JAKMIP1: variants seen among roughly 807,000 people sequenced by gnomAD.
JAKMIP1 encodes the protein janus kinase and microtubule interacting protein 1, also known as janus kinase and microtubule-interacting protein 1.
JAKMIP1 carries 33 observed loss-of-function variants against 113.0 expected under a neutral mutation model. The ratio of observed to expected loss-of-function variants is 0.29; its 90% CI spans 0.22 to 0.39. The LOEUF (loss-of-function observed/expected upper bound fraction) is 0.39, where lower values mean the gene tolerates loss of function less well. Ranked by LOEUF, JAKMIP1 falls within the 10% of genes least tolerant of loss-of-function variation. The pLI is 1.00. For missense variants in JAKMIP1, 813 were observed against 1,080.5 expected (o/e 0.75, Z 3.47); for synonymous variants, 480 against 459.9 (o/e 1.04, Z -0.56).
At chr4:6,122,320 T>C (rs1303931316) in intron 1 of JAKMIP1, among the ~76,000 whole-genome samples, 2 of 151,902 alleles carry the variant, frequency 1.3e-5, no homozygotes, top group Non-Finnish European at 2.9e-5. Flanking sequence ...AGTGAGACCC[T>C]GTCTCAAATA....
intron 3 of JAKMIP1, among the ~76,000 whole-genome samples, chr4:6,099,086 G>A (rs1712571498): frequency 6.6e-6 from 1 of 152,062 alleles, no homozygotes; most frequent in Non-Finnish European, 1.5e-5. Context: ...TACATTTATT[G>A]CTCACAGAGC....
chr4:6,140,469 G>A lies in JAKMIP1; in HGVS notation c.-147-27472C>T, dbSNP rs1719970007. Among the ~76,000 whole-genome samples the A allele has an allele frequency of 6.6e-6, 1 of 151,994 alleles. No homozygotes were observed. Among genetic ancestry groups the A allele is most frequent in the African/African-American group, 2.4e-5 (1 of 41,308 alleles). ...TCAGGTCCTGCTTCATCAACACTGG[G>A]GGTCAGTGATTCGTGGTCCCCCCGA... On this transcript the variant is annotated intron_variant, in intron 1 of 20. Transcript: ENST00000409021. This position sits in a 1 kb window ranked among gnomAD's most constrained non-coding sequence, Gnocchi z 9.4.
intron 1 of JAKMIP1, among the ~76,000 whole-genome samples, chr4:6,125,978 C>T (rs1415598919): frequency 2.9e-5 from 4 of 140,136 alleles, no homozygotes; most frequent in South Asian, 2.4e-4. Flanking sequence ...ACATACCATG[C>T]AGAAACACAC....
chr4:6,149,935 C>G (rs990469052), intron 1 of JAKMIP1, among the ~76,000 whole-genome samples: 3 of 152,174 alleles, frequency 2.0e-5, no homozygotes, highest in African/African-American at 7.2e-5. Context: ...CTGGGCTTCT[C>G]CTCCTGCCTC....
Position 6,193,660 on chromosome 4 carries a change from C to T in JAKMIP1, c.-148+6593G>A, listed in dbSNP as rs1056663905. Among the ~76,000 whole-genome samples, 2 of 152,214 alleles carry T rather than the reference C, an allele frequency of 1.3e-5. No homozygotes were observed. The highest frequency in any genetic ancestry group is 2.9e-5 in the Non-Finnish European group (2 of 68,042). ...CCTCCTGCCTCGGGGTGCTCCCATGCTCTTGCTTGGAAAATGAGGAGCCGA... is the reference window on the plus strand; with the variant it reads ...CCTCCTGCCTCGGGGTGCTCCCATGTTCTTGCTTGGAAAATGAGGAGCCGA... On this transcript the variant is annotated intron_variant, in intron 1 of 20. Transcript: ENST00000409021. The surrounding 1 kb of genome is among the most constrained non-coding windows in gnomAD (Gnocchi z 6.4).
intron 3 of JAKMIP1, among the ~76,000 whole-genome samples, chr4:6,098,734 G>A (rs1320763816): frequency 0.054 from 388 of 7,228 alleles, no homozygotes; most frequent in Non-Finnish European, 0.098. Flanking sequence ...AAGAAAGAAA[G>A]AGAAGGAAGG....
chr4:6,170,454 T>C lies in JAKMIP1; in HGVS notation c.-148+29799A>G, dbSNP rs200965069. Among the ~76,000 whole-genome samples the C allele has an allele frequency of 9.8e-5, 14 of 143,580 alleles. No individual in the cohort carries two copies. In the East Asian group the frequency reaches 2.7e-3, roughly 28 times the overall value. 94.2% of individuals were successfully genotyped at this position (143,580 alleles called of 152,430 possible). Reference sequence around the variant, plus strand: ...ATAGTCACCACCACCTCCATCACCATCACCACCACCACCATTACCACCCTC... The same window carrying C: ...ATAGTCACCACCACCTCCATCACCACCACCACCACCACCATTACCACCCTC... On this transcript the variant is annotated intron_variant, in intron 1 of 20. Transcript: ENST00000409021.
intron 3 of JAKMIP1, among the ~76,000 whole-genome samples, chr4:6,098,767 A>AAAG (rs1560181809): frequency 4.6e-5 from 7 of 151,464 alleles, no homozygotes; most frequent in Admixed American, 2.0e-4. Context: ...AAAGAGAAAG[A>AAAG]AAAGAAAGAA....
chr4:6,200,101 G>A lies in JAKMIP1; in HGVS notation c.-148+152C>T, dbSNP rs1348491340. 1.3e-5 allele frequency among the ~76,000 whole-genome samples: 2 copies of A among 151,640 alleles called. No individual in the cohort carries two copies. Among genetic ancestry groups the A allele is most frequent in the African/African-American group, 4.8e-5 (2 of 41,388 alleles). ...AGAGTGGAAGGGGGACCCAGAGGGG[G>A]CGCGATGGCCGGAGGAGGGGGAGAT... is the stretch of plus-strand genomic sequence containing the variant. On this transcript the variant is annotated intron_variant, in intron 1 of 20. Coordinates refer to ENST00000409021, the MANE Select transcript of JAKMIP1 (RefSeq NM_001099433.2). The surrounding 1 kb of genome is among the most constrained non-coding windows in gnomAD (Gnocchi z 7.0).
chr4:6,140,756 G>A lies in JAKMIP1; in HGVS notation c.-147-27759C>T, dbSNP rs190643151. Among the ~76,000 whole-genome samples the A allele has an allele frequency of 1.4e-4, 21 of 152,224 alleles. 1 individual carries two copies. The highest frequency in any genetic ancestry group is 3.4e-3 in the Middle Eastern group (1 of 294). On this transcript the variant is annotated intron_variant, in intron 1 of 20. Transcript: ENST00000409021. This position sits in a 1 kb window ranked among gnomAD's most constrained non-coding sequence, Gnocchi z 9.4. ...AACTTGGTAGAATAATATTTCTCTC[G>A]TCTGGTGTCATCCTTTGGGCAATAA...
chr4:6,125,036 C>T (rs1452783296), intron 1 of JAKMIP1, among the ~76,000 whole-genome samples: 1 of 152,150 alleles, frequency 6.6e-6, no homozygotes, highest in African/African-American at 2.4e-5. Context: ...GGAGAACCTG[C>T]CTCTTCCCCA....
At chr4:6,063,394 A>G (rs768768715) in intron 9 of JAKMIP1, among the ~76,000 whole-genome samples, 14 of 152,232 alleles carry the variant, frequency 9.2e-5, no homozygotes, top group African/African-American at 2.4e-5. Context: ...TAAGTTAAAC[A>G]TAAAAGGCCC....
At chr4:6,043,691 C>G (rs1186471516) in intron 16 of JAKMIP1, among the ~76,000 whole-genome samples, 48 of 151,544 alleles carry the variant, frequency 3.2e-4, no homozygotes, top group African/African-American at 1.1e-3. Context: ...ACCAACCCCC[C>G]ATTCCCCTTT....
At position 6,179,038 on chromosome 4, in the gene JAKMIP1, AG is replaced by A. The variant is rs1331693889; in HGVS notation, c.-148+21214del. Among the ~76,000 whole-genome samples, 2 of 152,264 alleles carry A rather than the reference AG, an allele frequency of 1.3e-5. No homozygotes were observed. The highest frequency in any genetic ancestry group is 4.8e-5 in the African/African-American group (2 of 41,470). ...TACAAAGCTGGTATAGCATATTCCC[AG>A]GAAAAAATAAAACTGGGCTATATGT... On this transcript the variant is annotated intron_variant, in intron 1 of 20. Transcript: ENST00000409021. The surrounding 1 kb of genome is among the most constrained non-coding windows in gnomAD (Gnocchi z 4.5).
intron 10 of JAKMIP1, 43 bp from the exon 11 acceptor site, chr4:6,060,550 G>T: frequency 2.8e-6 from 4 of 1,412,348 alleles, no homozygotes; most frequent in Non-Finnish European, 4.0e-6. Flanking sequence ...CACCTCCAAT[G>T]GGTGACAGGG....
chr4:6,151,045 G>A (rs1428609985), intron 1 of JAKMIP1, among the ~76,000 whole-genome samples: 2 of 152,064 alleles, frequency 1.3e-5, no homozygotes, highest in African/African-American at 2.4e-5. Flanking sequence ...CAGCGCCCCC[G>A]CCATACCTTC....
chr4:6,145,631 C>T (rs762351611), intron 1 of JAKMIP1, among the ~76,000 whole-genome samples: 1 of 152,186 alleles, frequency 6.6e-6, no homozygotes, highest in Non-Finnish European at 1.5e-5. Context: ...GTGGAAACAA[C>T]CTATATTTGT....
At chr4:6,163,192 T>C (rs1215151772) in intron 1 of JAKMIP1, among the ~76,000 whole-genome samples, 1 of 152,244 alleles carries the variant, frequency 6.6e-6, no homozygotes, top group African/African-American at 2.4e-5. Flanking sequence ...AACTTTATCG[T>C]GCTTCGCAGA....
chr4:6,097,696 C>G lies in JAKMIP1; in HGVS notation c.624+7777G>C, dbSNP rs904761765. 1.3e-5 allele frequency among the ~76,000 whole-genome samples: 2 copies of G among 152,140 alleles called. No homozygotes were observed. Among genetic ancestry groups the G allele is most frequent in the Non-Finnish European group, 1.5e-5 (1 of 68,032 alleles). ...TGGGGGAAGCTTTACAGATCACTTC[C>G]CCATTTTGCAACAAAAAATGCAATA... is the stretch of plus-strand genomic sequence containing the variant. On this transcript the variant is annotated intron_variant, in intron 3 of 20. Transcript: ENST00000409021. The surrounding 1 kb of genome is among the most constrained non-coding windows in gnomAD (Gnocchi z 4.3).
Sources: allele counts gnomAD v4.1 joint callset (sites outside exome capture counted in the v4.1 genomes callset), GRCh38; gene constraint gnomAD v4.1.1; non-coding constraint Gnocchi (gnomAD v3.1); transcripts MANE v1.5; gene names NCBI Gene and HGNC (gene_info 2026-07-23, HGNC 2026-07-21).